The following C13orf42 variants were observed in gnomAD, a reference collection of about 807,000 sequenced individuals.
C13orf42 encodes the protein uncharacterized protein C13orf42.
chr13:51,088,232 G>C (rs574394134), intron 1 of C13orf42, among the ~76,000 whole-genome samples, 157 bp from the exon 2 acceptor site: 73 of 152,326 alleles, frequency 4.8e-4, no homozygotes, highest in Non-Finnish European at 8.7e-4. Flanking sequence ...AAGGAAGGTA[G>C]ATACTCCAGG....
chr13:51,167,789 CG>C (rs1307375765), intron 1 of C13orf42, among the ~76,000 whole-genome samples: 9 of 152,126 alleles, frequency 5.9e-5, no homozygotes, highest in Admixed American at 5.9e-4. Context: ...TCAACTCTAG[CG>C]GTTTCTGATT....
intron 1 of C13orf42, among the ~76,000 whole-genome samples, chr13:51,151,130 T>C (rs892767246): frequency 2.0e-5 from 3 of 152,202 alleles, no homozygotes; most frequent in Admixed American, 6.5e-5. Flanking sequence ...CCTGTGAATA[T>C]GTCACACCAC....
At chr13:51,159,494 T>TA (rs1367524164) in intron 1 of C13orf42, among the ~76,000 whole-genome samples, 2 of 152,194 alleles carry the variant, frequency 1.3e-5, no homozygotes. Flanking sequence ...CAGGAAAACA[T>TA]AGATTATAGA....
chr13:51,121,065 G>GGTGGTT (rs1233718866), intron 1 of C13orf42, among the ~76,000 whole-genome samples: 2 of 152,142 alleles, frequency 1.3e-5, no homozygotes, highest in Non-Finnish European at 2.9e-5. Flanking sequence ...TCTGCCCCCT[G>GGTGGTT]GTGGTTGGGT....
intron 1 of C13orf42, among the ~76,000 whole-genome samples, chr13:51,124,580 A>G (rs1186010399): frequency 6.6e-6 from 1 of 152,148 alleles, no homozygotes; most frequent in South Asian, 2.1e-4. Context: ...CAATTTTCCA[A>G]TGAGAGAAAT....
At chr13:51,126,765 G>A (rs1227999132) in intron 1 of C13orf42, among the ~76,000 whole-genome samples, 1 of 152,196 alleles carries the variant, frequency 6.6e-6, no homozygotes, top group Non-Finnish European at 1.5e-5. Context: ...GGGGGAGATG[G>A]TTGCCAGTTC....
chr13:51,138,188 G>A (rs1423857219), intron 1 of C13orf42, among the ~76,000 whole-genome samples: 2 of 152,150 alleles, frequency 1.3e-5, no homozygotes, highest in African/African-American at 2.4e-5. Flanking sequence ...CTACAAAATG[G>A]AAAGATGCCT....
At chr13:51,139,696 T>A (rs763557662) in intron 1 of C13orf42, among the ~76,000 whole-genome samples, 1 of 152,138 alleles carries the variant, frequency 6.6e-6, no homozygotes, top group Non-Finnish European at 1.5e-5. Context: ...ACCAGCACCA[T>A]GACAGTTTGT....
intron 1 of C13orf42, among the ~76,000 whole-genome samples, chr13:51,151,628 C>T (rs1426919321): frequency 6.6e-6 from 1 of 152,210 alleles, no homozygotes; most frequent in Admixed American, 6.5e-5. Context: ...ATATGCCCGG[C>T]ATTCCAGAGA....
At chr13:51,172,218 T>C (rs1002206541) in intron 1 of C13orf42, 1 of 152,162 alleles carries the variant, frequency 6.6e-6, no homozygotes, top group African/African-American at 2.4e-5. Flanking sequence ...CCCATCTGTG[T>C]GGGACCCCAC....
chr13:51,165,892 T>C (rs73488050), intron 1 of C13orf42, among the ~76,000 whole-genome samples: 8,452 of 152,292 alleles, frequency 0.055, 734 homozygotes, highest in African/African-American at 0.19. Context: ...CATAGCACTA[T>C]GCAAATGTAG....
chr13:51,092,050 G>A (rs761621924), intron 1 of C13orf42, among the ~76,000 whole-genome samples: 3 of 152,152 alleles, frequency 2.0e-5, no homozygotes, highest in Non-Finnish European at 2.9e-5. Context: ...CCACAGGGGC[G>A]CACTTTCCCA....
In C13orf42 at chr13:51,136,314, C is replaced by T. The variant is rs12323248; in HGVS notation, n.137-23092G>A. The stretch of plus-strand genomic sequence containing the variant: ...CCCAACCCACCCCCAAAATAAGAAG[C>T]AAGGTGAACCCAGGTCAACTTGAAT... On this transcript the variant is annotated intron_variant and non_coding_transcript_variant, in intron 1 of 4. Coordinates refer to the C13orf42 transcript ENST00000433280. Among the ~76,000 whole-genome samples the T allele has an allele frequency of 4.6e-3, 705 of 152,270 alleles. 2 individuals carry two copies. The highest frequency in any genetic ancestry group is 0.017 in the African/African-American group (686 of 41,550).
rs1321053822 is a variant in C13orf42, at chr13:51,111,091, T to C, written c.119A>G (p.Tyr40Cys). 3 of 398,682 alleles carry C rather than the reference T, an allele frequency of 7.5e-6. No individual in the cohort carries two copies. The highest frequency in any genetic ancestry group is 8.8e-5 in the Admixed American group (2 of 22,736). 24.7% of individuals were successfully genotyped at this position (398,682 alleles called of 1,614,324 possible). Residue 40 changes from tyrosine to cysteine, a missense_variant, in exon 1 of 4, where the codon TAT (tyrosine) becomes TGT (cysteine). By Grantham distance (194) the Tyr-to-Cys change is radical. Coordinates refer to ENST00000563710, the MANE Select transcript of C13orf42 (RefSeq NM_001351589.3). ...TTTCTCCCCGTGGTCCCCGACCACA[T>C]ACATGGAACTGCTTCGAATCAGCTT... ...AVKLIRSSSMYVVGDHGEKFS... is the reference protein window; with the variant it reads ...AVKLIRSSSMCVVGDHGEKFS...
At chr13:51,091,980 G>C (rs546912739) in intron 1 of C13orf42, among the ~76,000 whole-genome samples, 1 of 152,144 alleles carries the variant, frequency 6.6e-6, no homozygotes, top group African/African-American at 2.4e-5. Context: ...CCCAGGTAAC[G>C]AGACTCCATC....
At chr13:51,125,334 T>C (rs1260320192) in intron 1 of C13orf42, among the ~76,000 whole-genome samples, 1 of 152,232 alleles carries the variant, frequency 6.6e-6, no homozygotes, top group Admixed American at 6.5e-5. Flanking sequence ...GTTATTTTCT[T>C]CTTCTTGGAA....
chr13:51,120,324 CTATT>C (rs1032551659), intron 1 of C13orf42, among the ~76,000 whole-genome samples: 4 of 152,096 alleles, frequency 2.6e-5, no homozygotes, highest in African/African-American at 9.7e-5. Flanking sequence ...CCTCCTATAT[CTATT>C]GTGTGATAGA....
chr13:51,095,690 G>A (rs1046056453), intron 1 of C13orf42, among the ~76,000 whole-genome samples: 2 of 151,846 alleles, frequency 1.3e-5, no homozygotes, highest in Non-Finnish European at 2.9e-5. Flanking sequence ...GCTCATTTCC[G>A]GTCTTTTCAT....
rs1405132032 is a variant in C13orf42, at chr13:51,082,769, A to G, written c.*1382T>C. Reference sequence around the variant, plus strand: ...CATTGACATTGGCACTCGAAAAATAATAAAGAGAGGTATTAAAACATTTCT... The same window carrying G: ...CATTGACATTGGCACTCGAAAAATAGTAAAGAGAGGTATTAAAACATTTCT... On this transcript the variant is annotated 3_prime_UTR_variant, in exon 4 of 4. Transcript: ENST00000563710. 1 of 152,246 alleles carries G rather than the reference A, an allele frequency of 6.6e-6. No homozygotes were observed. Among genetic ancestry groups the G allele is most frequent in the African/African-American group, 2.4e-5 (1 of 41,468 alleles). The allele number at this position is 152,246 out of a possible 1,614,324, so 9.4% of individuals were successfully genotyped here. A position where few individuals can be genotyped will look rare whatever the true frequency, so the allele number is the denominator to read the frequency against.
Sources: gnomAD v4.1 joint callset for allele counts (sites outside exome capture counted in the v4.1 genomes callset) on GRCh38, gnomAD v4.1.1 for gene constraint, MANE v1.5 for transcripts, NCBI Gene and HGNC (gene_info 2026-07-23, HGNC 2026-07-21) for gene names.